SLC35F3: variants seen among roughly 807,000 people sequenced by gnomAD.
SLC35F3 encodes solute carrier family 35 member F3.
SLC35F3 carries 25 observed loss-of-function variants against 49.9 expected under a neutral mutation model. The ratio of observed to expected loss-of-function variants is 0.50; its 90% confidence interval spans 0.37 to 0.70. SLC35F3 has a LOEUF of 0.70. SLC35F3 is among the 30% of genes least tolerant of loss of function. The probability of loss-of-function intolerance (pLI) is 0.00; values close to 1 mark genes in which losing one functional copy is unlikely to be tolerated. For synonymous variants in SLC35F3, 275 were observed against 265.4 expected (o/e 1.04, Z -0.35); for missense variants, 525 against 639.8 (o/e 0.82, Z 1.94).
intron 2 of SLC35F3, among the ~76,000 whole-genome samples, chr1:234,104,466 C>CTTTATCTTTA (rs1665254710): frequency 6.6e-6 from 1 of 152,204 alleles, no homozygotes. Flanking sequence ...AAAGATTACA[C>CTTTATCTTTA]TGAGTAGGCC....
chr1:234,099,481 G>T (rs1243620981), intron 2 of SLC35F3, among the ~76,000 whole-genome samples: 1 of 151,856 alleles, frequency 6.6e-6, no homozygotes, highest in Non-Finnish European at 1.5e-5. Context: ...GTGGTGGCGG[G>T]AGCCTGCAGT....
intron 2 of SLC35F3, among the ~76,000 whole-genome samples, chr1:234,130,231 T>C (rs1026812015): frequency 3.9e-5 from 6 of 152,160 alleles, no homozygotes; most frequent in Admixed American, 2.0e-4. Flanking sequence ...ACAAAATAAG[T>C]TATCCAAATG....
intron 3 of SLC35F3, among the ~76,000 whole-genome samples, chr1:234,275,616 C>CACAA (rs1558094826): frequency 6.6e-6 from 1 of 151,938 alleles, no homozygotes; most frequent in African/African-American, 2.4e-5. Flanking sequence ...CACACACACA[C>CACAA]ACAAACATAC....
intron 2 of SLC35F3, among the ~76,000 whole-genome samples, chr1:234,076,157 G>A (rs950492575): frequency 1.3e-5 from 2 of 151,642 alleles, no homozygotes; most frequent in Admixed American, 1.3e-4. Context: ...TTCACTCCTC[G>A]GTTTTTTTTC....
intron 3 of SLC35F3, among the ~76,000 whole-genome samples, chr1:234,258,668 G>T (rs1039909966): frequency 6.6e-6 from 1 of 152,210 alleles, no homozygotes; most frequent in Non-Finnish European, 1.5e-5. Context: ...AGCTATCTTG[G>T]CCTATGCCCA....
At chr1:234,188,117 A>T (rs1666674193) in intron 2 of SLC35F3, among the ~76,000 whole-genome samples, 2 of 151,992 alleles carry the variant, frequency 1.3e-5, no homozygotes, top group Non-Finnish European at 2.9e-5. Flanking sequence ...CATGCCTGTA[A>T]TCCCAGCTAC....
chr1:234,129,024 A>G (rs1665693903), intron 2 of SLC35F3, among the ~76,000 whole-genome samples: 1 of 152,246 alleles, frequency 6.6e-6, no homozygotes, highest in African/African-American at 2.4e-5. Flanking sequence ...GTCCAGCACT[A>G]GAAGAGATTG....
intron 2 of SLC35F3, among the ~76,000 whole-genome samples, chr1:234,024,475 A>G (rs1281962558): frequency 6.6e-6 from 1 of 152,216 alleles, no homozygotes; most frequent in African/African-American, 2.4e-5. Context: ...TGGGCAGTTT[A>G]TAAAGAAAAC....
intron 2 of SLC35F3, among the ~76,000 whole-genome samples, chr1:234,049,462 T>A (rs913331397): frequency 2.6e-5 from 4 of 152,022 alleles, no homozygotes; most frequent in Non-Finnish European, 5.9e-5. Context: ...CATTTACAAG[T>A]TAGGACGAGA....
chr1:233,942,973 C>G (rs765608263), intron 2 of SLC35F3, among the ~76,000 whole-genome samples: 45 of 152,246 alleles, frequency 3.0e-4, no homozygotes, highest in Non-Finnish European at 5.6e-4. Context: ...TTATGACTGG[C>G]TTACTTCACT....
At chr1:234,063,221 GC>G (rs1168663921) in intron 2 of SLC35F3, among the ~76,000 whole-genome samples, 2 of 152,142 alleles carry the variant, frequency 1.3e-5, no homozygotes, top group African/African-American at 4.8e-5. Context: ...GAGGAAGAGA[GC>G]TTTTATTTCT....
chr1:234,297,992 A>T lies in SLC35F3; in HGVS notation c.609-11109A>T, dbSNP rs187348149. On this transcript the variant is annotated intron_variant, in intron 3 of 7. Coordinates refer to ENST00000366618, the MANE Select transcript of SLC35F3 (RefSeq NM_173508.4). Reference sequence around the variant, plus strand: ...GTGTTCTTAACACACACACAAAAAAAGAGGGCTGAGGCAACTTTGGAGGTG... The same window carrying T: ...GTGTTCTTAACACACACACAAAAAATGAGGGCTGAGGCAACTTTGGAGGTG... 1.2e-3 allele frequency among the ~76,000 whole-genome samples: 187 copies of T among 152,312 alleles called. 3 individuals are homozygous for T. In the East Asian group the frequency reaches 0.033, roughly 27 times the overall value.
chr1:233,978,602 G>A (rs930966341), intron 2 of SLC35F3, among the ~76,000 whole-genome samples: 2 of 152,226 alleles, frequency 1.3e-5, no homozygotes, highest in South Asian at 2.1e-4. Flanking sequence ...GGAAGAAAGT[G>A]TACCCTTGTG....
intron 2 of SLC35F3, among the ~76,000 whole-genome samples, chr1:234,078,152 T>C (rs1032981173): frequency 2.0e-5 from 3 of 152,216 alleles, no homozygotes; most frequent in African/African-American, 4.8e-5. Context: ...TGCATTCATC[T>C]TTTTCCTTTA....
intron 3 of SLC35F3, among the ~76,000 whole-genome samples, chr1:234,242,797 A>T (rs534011869): frequency 6.6e-6 from 1 of 152,374 alleles, no homozygotes; most frequent in East Asian, 1.9e-4. Flanking sequence ...AGTTACTCTC[A>T]ATCATATATA....
At chr1:234,018,224 C>T (rs12090020) in intron 2 of SLC35F3, among the ~76,000 whole-genome samples, 4,641 of 152,210 alleles carry the variant, frequency 0.03, 213 homozygotes, top group African/African-American at 0.1. Flanking sequence ...ATACAGAATC[C>T]GTGAATAATG....
chr1:234,259,014 G>A (rs1337008835), intron 3 of SLC35F3, among the ~76,000 whole-genome samples: 2 of 152,190 alleles, frequency 1.3e-5, no homozygotes, highest in Non-Finnish European at 2.9e-5. Context: ...TGGGGTATTC[G>A]GGGAAAGGGG....
intron 2 of SLC35F3, among the ~76,000 whole-genome samples, chr1:234,220,354 A>G (rs1282583878): frequency 6.6e-6 from 1 of 152,116 alleles, no homozygotes. Flanking sequence ...TTGAAGGTAT[A>G]GCGAAAAATT....
intron 3 of SLC35F3, among the ~76,000 whole-genome samples, chr1:234,273,473 G>T (rs1668143918): frequency 6.6e-6 from 1 of 152,186 alleles, no homozygotes; most frequent in African/African-American, 2.4e-5. Context: ...ACTTAGGTTT[G>T]TGCTGAGCAT....
Sources: allele counts gnomAD v4.1 joint callset (sites outside exome capture counted in the v4.1 genomes callset), GRCh38; gene constraint gnomAD v4.1.1; transcripts MANE v1.5; gene names NCBI Gene and HGNC (gene_info 2026-07-23, HGNC 2026-07-21).